Variants in ANO2 observed in about 807,000 individuals in gnomAD.
ANO2 encodes anoctamin-2.
ANO2 carries 101 observed loss-of-function variants against 124.2 expected under a neutral mutation model. The ratio of observed to expected loss-of-function variants is 0.81; its 90% CI spans 0.69 to 0.96. ANO2 has a LOEUF of 0.96. Among genes scored for constraint, ANO2 ranks in the 40% least tolerant of loss-of-function variants. The pLI, the probability that ANO2 is intolerant of heterozygous loss-of-function variation, is 0.00. For missense variants in ANO2, 1,293 were observed against 1,274.5 expected (o/e 1.01, Z -0.22); for synonymous variants, 486 against 482.5 (o/e 1.01, Z -0.09).
chr12:5,945,357 C>T, upstream of ANO2: 1 of 882,982 alleles, frequency 1.1e-6, no homozygotes, highest in South Asian at 3.3e-5. Flanking sequence ...CTCCCCCATC[C>T]CTCCCGGCCG....
intron 10 of ANO2, among the ~76,000 whole-genome samples, chr12:5,770,218 A>G (rs796509624): frequency 6.6e-6 from 1 of 151,470 alleles, no homozygotes; most frequent in South Asian, 2.1e-4. Flanking sequence ...TAGCCAAGAA[A>G]CCCCATTTGC....
intron 19 of ANO2, among the ~76,000 whole-genome samples, chr12:5,602,490 A>T (rs1292335427): frequency 6.6e-6 from 1 of 152,152 alleles, no homozygotes; most frequent in Non-Finnish European, 1.5e-5. Context: ...CTGGGCTCAG[A>T]TGATCCACCC....
At chr12:5,660,133 A>T (rs924291641) in intron 14 of ANO2, among the ~76,000 whole-genome samples, 2 of 152,192 alleles carry the variant, frequency 1.3e-5, no homozygotes, top group African/African-American at 4.8e-5. Flanking sequence ...TTATCAGGCC[A>T]TTAAATGCAT....
At chr12:5,815,130 G>A (rs984645783) in intron 7 of ANO2, among the ~76,000 whole-genome samples, 2 of 152,110 alleles carry the variant, frequency 1.3e-5, no homozygotes, top group African/African-American at 4.8e-5. Flanking sequence ...AAAAATAAAT[G>A]AGCAGCTAAA....
At chr12:5,648,939 C>A (rs372831468) in intron 14 of ANO2, among the ~76,000 whole-genome samples, 2 of 152,294 alleles carry the variant, frequency 1.3e-5, no homozygotes, top group East Asian at 1.9e-4. Context: ...TGCCATCTAG[C>A]CTTTGAAAGC....
At chr12:5,600,535 C>T (rs935212139) in intron 19 of ANO2, among the ~76,000 whole-genome samples, 3 of 152,156 alleles carry the variant, frequency 2.0e-5, no homozygotes, top group Non-Finnish European at 2.9e-5. Context: ...AATGTTTATA[C>T]AGTCCTTAGC....
intron 23 of ANO2, among the ~76,000 whole-genome samples, chr12:5,572,482 C>T (rs911741478): frequency 1.3e-5 from 2 of 150,948 alleles, no homozygotes; most frequent in African/African-American, 5.0e-5. Context: ...AGGTGCAGGG[C>T]CTCCCTCCTT....
chr12:5,603,697 G>A (rs966189385), intron 19 of ANO2, among the ~76,000 whole-genome samples: 26 of 152,154 alleles, frequency 1.7e-4, no homozygotes, highest in Non-Finnish European at 2.1e-4. Context: ...TGTAATTCCA[G>A]CACTTTGGGA....
intron 3 of ANO2, among the ~76,000 whole-genome samples, chr12:5,891,990 T>C (rs1169160851): frequency 6.6e-6 from 1 of 151,910 alleles, no homozygotes; most frequent in Non-Finnish European, 1.5e-5. Context: ...ATCTGACCAA[T>C]GCTTTAAAGT....
At chr12:5,583,187 C>T (rs999763004) in intron 20 of ANO2, among the ~76,000 whole-genome samples, 1 of 152,178 alleles carries the variant, frequency 6.6e-6, no homozygotes, top group South Asian at 2.1e-4. Flanking sequence ...AAATGTGTGA[C>T]CTGAGAGCAC....
chr12:5,677,130 G>A (rs182759652), intron 14 of ANO2, among the ~76,000 whole-genome samples: 2 of 151,642 alleles, frequency 1.3e-5, no homozygotes, highest in African/African-American at 4.9e-5. Flanking sequence ...TCAGGATTGG[G>A]GGGGAGAATG....
chr12:5,832,484 G>C lies in ANO2; in HGVS notation c.753C>G (p.Leu251=), dbSNP rs764987396. 1 of 1,613,970 alleles carries C rather than the reference G, an allele frequency of 6.2e-7. No individual in the cohort carries two copies. Among genetic ancestry groups the C allele is most frequent in the East Asian group, 2.2e-5 (1 of 44,876 alleles). ...TCTTCTCCCTGGAGAATGGGTAGGA[G>C]AGGTTTTTCATCTTGTTGTTGCTGT... is the stretch of plus-strand genomic sequence containing the variant. ...PEHSNNKMKN[L]SYPFSREKMY... The change falls in exon 5 of 25, where the codon CTC becomes CTG. Residue 251 remains leucine (L), a synonymous_variant. Coordinates refer to ENST00000682330, the MANE Select transcript of ANO2 (RefSeq NM_001364791.2).
At chr12:5,573,634 G>C (rs1315186755) in intron 23 of ANO2, among the ~76,000 whole-genome samples, 2 of 152,238 alleles carry the variant, frequency 1.3e-5, no homozygotes, top group Non-Finnish European at 2.9e-5. Flanking sequence ...CCCAGGCAGT[G>C]CATAGCCTGG....
intron 15 of ANO2, among the ~76,000 whole-genome samples, chr12:5,638,148 GGT>G (rs1946118706): frequency 6.6e-6 from 1 of 152,002 alleles, no homozygotes; most frequent in South Asian, 2.1e-4. Context: ...AGATGTTAAT[GGT>G]GATAACATCA....
At chr12:5,606,617 T>C (rs1230362686) in intron 19 of ANO2, among the ~76,000 whole-genome samples, 1 of 152,208 alleles carries the variant, frequency 6.6e-6, no homozygotes, top group Non-Finnish European at 1.5e-5. Flanking sequence ...AATATGCAAA[T>C]AGCTGTTTGC....
At chr12:5,755,305 T>C (rs1271886077) in intron 10 of ANO2, among the ~76,000 whole-genome samples, 1 of 151,590 alleles carries the variant, frequency 6.6e-6, no homozygotes, top group Admixed American at 6.6e-5. Context: ...TAAGTCACTT[T>C]TTTCTTGTTG....
intron 13 of ANO2, among the ~76,000 whole-genome samples, chr12:5,737,863 C>T (rs1259520663): frequency 6.6e-6 from 1 of 152,172 alleles, no homozygotes. Flanking sequence ...TGCTTATCTT[C>T]CTAAATAATT....
intron 4 of ANO2, among the ~76,000 whole-genome samples, chr12:5,844,265 G>C (rs1954613238): frequency 6.6e-6 from 1 of 152,160 alleles, no homozygotes; most frequent in Admixed American, 6.5e-5. Flanking sequence ...TACACAGAGA[G>C]GTGTGGTTTG....
At chr12:5,578,077 C>T (rs1360358383) in intron 21 of ANO2, 70 bp from the exon 22 acceptor site, 2 of 1,539,412 alleles carry the variant, frequency 1.3e-6, no homozygotes, top group Non-Finnish European at 8.9e-7. Flanking sequence ...GCTGAAGCTC[C>T]AGGTGATGTT....
Sources: allele counts gnomAD v4.1 joint callset (sites outside exome capture counted in the v4.1 genomes callset), GRCh38; gene constraint gnomAD v4.1.1; transcripts MANE v1.5; gene names NCBI Gene and HGNC (gene_info 2026-07-23, HGNC 2026-07-21).